NMRAL1: variants seen among roughly 807,000 people sequenced by gnomAD.
NMRAL1 encodes nmrA-like family domain-containing protein 1.
Under a neutral mutation model 27.5 loss-of-function variants are expected in NMRAL1, and 32 were observed. The ratio of observed to expected loss-of-function variants is 1.16; its 90% confidence interval spans 0.88 to 1.56. NMRAL1 has a LOEUF of 1.56. Among genes scored for constraint, NMRAL1 ranks in the 40% most tolerant of loss-of-function variants. NMRAL1 has a pLI of 0.00. For synonymous variants in NMRAL1, 166 were observed against 166.8 expected, an observed-to-expected ratio of 1.00 and a Z score of 0.04; for missense variants, 420 against 392.0, an observed-to-expected ratio of 1.07 and a Z score of -0.60.
intron 2 of NMRAL1, chr16:4,471,342 C>T (rs2057556795): frequency 6.6e-6 from 1 of 152,042 alleles, no homozygotes; most frequent in South Asian, 2.1e-4. Context: ...TGCAGCTGGG[C>T]CCAGGGGCTC....
chr16:4,468,794 A>T (rs1011341665), intron 3 of NMRAL1, among the ~76,000 whole-genome samples: 1 of 152,008 alleles, frequency 6.6e-6, no homozygotes, highest in Non-Finnish European at 1.5e-5. Context: ...GGAGGGAGGG[A>T]GGCAAGGGTT....
intron 5 of NMRAL1, among the ~76,000 whole-genome samples, chr16:4,463,158 C>A (rs1440337031): frequency 6.6e-6 from 1 of 152,162 alleles, no homozygotes; most frequent in African/African-American, 2.4e-5. Flanking sequence ...CCCAGCCTCC[C>A]AGATTCTTTA....
Position 4,461,785 on chromosome 16 carries a change from G to A in NMRAL1, c.895C>T (p.Leu299=). 6.2e-7 allele frequency: 1 copy of A among 1,611,210 alleles called. No homozygotes were observed. Among genetic ancestry groups the A allele is most frequent in the Non-Finnish European group, 8.5e-7 (1 of 1,178,748 alleles). The change falls in exon 6 of 6, where the codon CTG becomes TTG. Residue 299 remains leucine (L), a synonymous_variant. Coordinates refer to ENST00000283429, the MANE Select transcript of NMRAL1 (RefSeq NM_020677.6). The stretch of plus-strand genomic sequence containing the variant: ...GGGGCCGCGAGGCGGGCAGGTCACA[G>A]CAGGTTGAAGTCCCCTTTGTGCTGT... The part of the protein sequence containing the change: ...LEQHKGDFNL[L]
intron 3 of NMRAL1, 129 bp downstream of exon 3, chr16:4,469,098 G>C: frequency 1.5e-6 from 1 of 683,462 alleles, no homozygotes. Flanking sequence ...TCACAGCCTA[G>C]AGCAGGCAGA....
intron 5 of NMRAL1, among the ~76,000 whole-genome samples, chr16:4,462,840 G>A (rs1171105883): frequency 6.6e-6 from 1 of 151,456 alleles, no homozygotes; most frequent in Non-Finnish European, 1.5e-5. Context: ...CGTCTTTTAA[G>A]GACTCCAGTG....
chr16:4,468,789 G>C (rs566197138), intron 3 of NMRAL1, among the ~76,000 whole-genome samples: 1 of 152,038 alleles, frequency 6.6e-6, no homozygotes, highest in Admixed American at 6.6e-5. Flanking sequence ...CCACGGGAGG[G>C]AGGGAGGCAA....
At chr16:4,464,842 C>T (rs2057256127) in intron 4 of NMRAL1, among the ~76,000 whole-genome samples, 1 of 151,966 alleles carries the variant, frequency 6.6e-6, no homozygotes, top group Admixed American at 6.6e-5. Flanking sequence ...GTCTCGATCT[C>T]CTGAACCTCG....
At chr16:4,464,141 GCT>G (rs954513534) in intron 4 of NMRAL1, 3 of 491,926 alleles carry the variant, frequency 6.1e-6, no homozygotes, top group African/African-American at 4.0e-5. Context: ...GGCCTGCCCA[GCT>G]CTCTCAGCGC....
intron 2 of NMRAL1, among the ~76,000 whole-genome samples, chr16:4,471,762 C>T (rs923854895): frequency 2.0e-5 from 3 of 151,726 alleles, no homozygotes; most frequent in Non-Finnish European, 4.4e-5. Flanking sequence ...CTGCAATTTA[C>T]ACAGAAATGC....
Position 4,474,441 on chromosome 16 carries a change from G to T in NMRAL1, c.-35+113C>A, listed in dbSNP as rs1003599525. On this transcript the variant is annotated intron_variant, in intron 1 of 5. Coordinates refer to ENST00000283429, the MANE Select transcript of NMRAL1 (RefSeq NM_020677.6). The stretch of plus-strand genomic sequence containing the variant: ...GAGTGACCTCCTCGCCGCGGCCTGG[G>T]CGGGACAAGTTCCAGGAGCCCGGGA... 64 of 404,932 alleles carry T rather than the reference G, an allele frequency of 1.6e-4. 1 individual carries two copies. The highest frequency in any genetic ancestry group is 3.1e-4 in the East Asian group (7 of 22,604). 25.1% of individuals were successfully genotyped at this position (404,932 alleles called of 1,614,324 possible).
chr16:4,461,995 C>T (rs2057131711), intron 5 of NMRAL1, 36 bp from the exon 6 acceptor site: 1 of 1,578,406 alleles, frequency 6.3e-7, no homozygotes, highest in African/African-American at 1.3e-5. Flanking sequence ...CCGGCGTCCT[C>T]CAGTGCCCCG....
rs751140763 is a variant in NMRAL1, at chr16:4,469,449, G to A, written c.57C>T (p.Ser19=). ...CATCTTCCAGGAGTGTGCGGGCCAC[G>A]GAGCCACCCTGGGCACCTACAAAGA... ...VFGGTGAQGG[S]VARTLLEDGT... Residue 19 remains serine (S), a synonymous_variant, in exon 3 of 6, where the codon TCC becomes TCT. Coordinates refer to ENST00000283429, the MANE Select transcript of NMRAL1 (RefSeq NM_020677.6). The A allele has an allele frequency of 1.7e-5, 28 of 1,613,634 alleles. No homozygotes were observed. The African/African-American group carries it at 2.0e-4, about 12-fold the overall frequency.
chr16:4,468,656 GT>G (rs1411440411), intron 3 of NMRAL1, among the ~76,000 whole-genome samples: 3 of 151,192 alleles, frequency 2.0e-5, no homozygotes, highest in Non-Finnish European at 2.9e-5. Context: ...AATCAGAGAA[GT>G]TGTCTTTGTC....
chr16:4,468,509 G>A (rs1312238640), intron 3 of NMRAL1, among the ~76,000 whole-genome samples: 2 of 151,858 alleles, frequency 1.3e-5, no homozygotes, highest in African/African-American at 2.4e-5. Context: ...CCAGCTACTC[G>A]GGAGGCTGAG....
chr16:4,463,719 C>G lies in NMRAL1; in HGVS notation c.661G>C (p.Ala221Pro). 1.2e-5 allele frequency: 20 copies of G among 1,614,074 alleles called. No homozygotes were observed. The highest frequency in any genetic ancestry group is 1.6e-5 in the Non-Finnish European group (19 of 1,180,030). The change falls in exon 5 of 6, where the codon GCC becomes CCC. Residue 221 changes from alanine (A) to proline (P), a missense_variant. By Grantham distance (27) the Ala-to-Pro change is conservative (BLOSUM62 -1). Transcript: ENST00000283429. The part of the protein sequence containing the change: ...NIGLSTCRHT[A>P]EEYAALLTKH... The stretch of plus-strand genomic sequence containing the variant: ...GTGAGCAGGGCAGCGTACTCCTCGG[C>G]CGTGTGCCTGCAAGTGCTCAGCCCG...
rs1330641527 is a variant in NMRAL1 at position 4,474,573 on chromosome 16, G to A, written c.-54C>T. 1 of 158,312 alleles carries A rather than the reference G, an allele frequency of 6.3e-6. No individual in the cohort carries two copies. Among genetic ancestry groups the A allele is most frequent in the Non-Finnish European group, 1.4e-5 (1 of 71,848 alleles). The allele number at this position is 158,312 out of a possible 1,614,324, so 9.8% of individuals were successfully genotyped here. On this transcript the variant is annotated 5_prime_UTR_variant, in exon 1 of 6. Coordinates refer to ENST00000283429, the MANE Select transcript of NMRAL1 (RefSeq NM_020677.6). ...CCCCACCTGGCAGAGCGCCGCTCAC[G>A]GAAGCCCAGCGTCGGAGGACCCCTG...
At chr16:4,468,915 CT>C (rs2057435583) in intron 3 of NMRAL1, among the ~76,000 whole-genome samples, 1 of 150,992 alleles carries the variant, frequency 6.6e-6, no homozygotes, top group Admixed American at 6.6e-5. Context: ...GCATGTACCC[CT>C]GAATCTAAAA....
chr16:4,466,157 C>T lies in NMRAL1; in HGVS notation c.525G>A (p.Leu175=), dbSNP rs775582615. 2 of 1,614,150 alleles carry T rather than the reference C, an allele frequency of 1.2e-6. No homozygotes were observed. The highest frequency in any genetic ancestry group is 1.7e-6 in the Non-Finnish European group (2 of 1,180,020). Residue 175 remains leucine, a synonymous_variant, in exon 4 of 6, where the codon TTG becomes TTA. Coordinates refer to ENST00000283429, the MANE Select transcript of NMRAL1 (RefSeq NM_020677.6). Reference sequence around the variant, plus strand: ...TGTGCGAGAAAGGGCACTTACTCAGCAAGTAGCTCTTTCCGTCTGGGGCTT... The same window carrying T: ...TGTGCGAGAAAGGGCACTTACTCAGTAAGTAGCTCTTTCCGTCTGGGGCTT... The part of the protein sequence containing the change: ...PQKAPDGKSY[L]LSLPTGDVPM...
rs28576729 is a variant in NMRAL1, at chr16:4,469,299, C to T, written c.207G>A (p.Leu69=). 10,361 of 1,614,162 alleles carry T rather than the reference C, an allele frequency of 6.4e-3. 591 individuals are homozygous for T. The African/African-American group carries it at 0.12, about 19-fold the overall frequency. The change falls in exon 3 of 6, where the codon CTG becomes CTA. Residue 69 remains leucine (L), a synonymous_variant. Transcript: ENST00000283429. ...QDDQVIMELA[L]NGAYATFIVT... ...CGATGAAGGTGGCGTAAGCCCCATT[C>T]AGGGCCAGCTCCATGATGACCTGGT...
Sources: gnomAD v4.1 joint callset for allele counts (sites outside exome capture counted in the v4.1 genomes callset) on GRCh38, gnomAD v4.1.1 for gene constraint, MANE v1.5 for transcripts, NCBI Gene and HGNC (gene_info 2026-07-23, HGNC 2026-07-21) for gene names.